The following PRDM6 variants were observed in gnomAD, a reference collection of about 807,000 sequenced individuals.
PRDM6 encodes the protein putative histone-lysine N-methyltransferase PRDM6.
PRDM6 carries 25 observed loss-of-function variants against 60.8 expected under a neutral mutation model. The observed-to-expected ratio is 0.41, with a 90% CI of 0.30 to 0.57. PRDM6 has a LOEUF of 0.57. PRDM6 is among the 20% of genes least tolerant of loss of function. PRDM6 has a pLI of 0.27. For synonymous variants in PRDM6, 407 were observed against 357.4 expected, an observed-to-expected ratio of 1.14 and a Z score of -1.57; for missense variants, 839 against 821.3, an observed-to-expected ratio of 1.02 and a Z score of -0.26.
rs1349455411 is a variant in PRDM6, at chr5:123,191,489, T to G, written c.*4288T>G. 1.3e-5 allele frequency: 2 copies of G among 152,186 alleles called. No homozygotes were observed. Among genetic ancestry groups the G allele is most frequent in the African/African-American group, 4.8e-5 (2 of 41,442 alleles). 9.4% of individuals were successfully genotyped at this position (152,186 alleles called of 1,614,324 possible). On this transcript the variant is annotated 3_prime_UTR_variant, in exon 8 of 8. Coordinates refer to ENST00000407847, the MANE Select transcript of PRDM6 (RefSeq NM_001136239.4). ...AATCACATTTCCTGAAATGTTTATC[T>G]GTTTCTTCCTTGACATGAATTTAAT...
chr5:123,167,460 G>A (rs7716218), intron 5 of PRDM6, among the ~76,000 whole-genome samples: 5,970 of 152,010 alleles, frequency 0.039, 393 homozygotes, highest in African/African-American at 0.13. Context: ...CACGGTCTCG[G>A]CTCACCGCAA....
chr5:123,125,275 A>G (rs578016097), intron 3 of PRDM6, among the ~76,000 whole-genome samples: 4 of 152,082 alleles, frequency 2.6e-5, no homozygotes, highest in South Asian at 4.2e-4. Context: ...CTTATAGTAC[A>G]TTTTAAGTCT....
intron 3 of PRDM6, among the ~76,000 whole-genome samples, chr5:123,128,270 T>C (rs1275433621): frequency 6.6e-6 from 1 of 152,222 alleles, no homozygotes; most frequent in East Asian, 1.9e-4. Flanking sequence ...TTATAATCCT[T>C]TGGGTATATA....
intron 3 of PRDM6, among the ~76,000 whole-genome samples, chr5:123,136,797 T>C (rs1343283821): frequency 6.6e-6 from 1 of 152,136 alleles, no homozygotes; most frequent in East Asian, 1.9e-4. Flanking sequence ...CTTTCCATAT[T>C]ACTTTCAGCG....
At chr5:123,102,829 C>CA (rs1480854357) in intron 3 of PRDM6, among the ~76,000 whole-genome samples, 1 of 152,058 alleles carries the variant, frequency 6.6e-6, no homozygotes, top group Non-Finnish European at 1.5e-5. Flanking sequence ...CTTTTCCTGT[C>CA]ACTATTTCCA....
intron 6 of PRDM6, among the ~76,000 whole-genome samples, chr5:123,176,603 C>T (rs1766018241): frequency 6.6e-6 from 1 of 152,084 alleles, no homozygotes; most frequent in Non-Finnish European, 1.5e-5. Flanking sequence ...CCCAGCTACT[C>T]AGGAGGCTGA....
rs542629930 is a variant in PRDM6 at position 123,185,004 on chromosome 5, A to G, written c.1674-2083A>G. 1.8e-4 allele frequency among the ~76,000 whole-genome samples: 28 copies of G among 152,330 alleles called. No homozygotes were observed. In the East Asian group the frequency reaches 4.8e-3, roughly 26 times the overall value. ...CTGGAATACTCTTCTTATGCACCCT[A>G]TATATTGGACAAATTTTCTGACTAT... On this transcript the variant is annotated intron_variant, in intron 7 of 7. Transcript: ENST00000407847.
intron 3 of PRDM6, among the ~76,000 whole-genome samples, chr5:123,123,667 T>G (rs1244534649): frequency 6.6e-6 from 1 of 152,240 alleles, no homozygotes; most frequent in African/African-American, 2.4e-5. Flanking sequence ...ACATTTATAC[T>G]GATGCTTTAA....
chr5:123,094,013 A>G (rs1409642840), intron 2 of PRDM6, among the ~76,000 whole-genome samples: 1 of 151,748 alleles, frequency 6.6e-6, no homozygotes, highest in African/African-American at 2.4e-5. Flanking sequence ...CCTCCTGCGC[A>G]GGGAACAGGC....
At chr5:123,126,725 G>A (rs1039624199) in intron 3 of PRDM6, among the ~76,000 whole-genome samples, 2 of 152,112 alleles carry the variant, frequency 1.3e-5, no homozygotes, top group African/African-American at 4.8e-5. Flanking sequence ...TTTAATTTTA[G>A]GGAGGCTATT....
chr5:123,151,068 G>A (rs186204579), intron 3 of PRDM6, among the ~76,000 whole-genome samples: 1 of 152,144 alleles, frequency 6.6e-6, no homozygotes, highest in Non-Finnish European at 1.5e-5. Context: ...CAATTACTTC[G>A]GCATGCATTG....
chr5:123,183,384 AGT>A (rs780845730), intron 7 of PRDM6, among the ~76,000 whole-genome samples: 1 of 152,218 alleles, frequency 6.6e-6, no homozygotes, highest in Non-Finnish European at 1.5e-5. Flanking sequence ...TCTGCTGAGA[AGT>A]GGTTTTTGAA....
intron 3 of PRDM6, among the ~76,000 whole-genome samples, chr5:123,129,910 T>C (rs1191894225): frequency 1.3e-5 from 2 of 152,172 alleles, no homozygotes; most frequent in African/African-American, 2.4e-5. Context: ...AAAAATAGCA[T>C]CTGCACTGAT....
intron 2 of PRDM6, 22 bp downstream of exon 2, chr5:123,090,628 G>T (rs1561793095): frequency 2.1e-6 from 3 of 1,459,150 alleles, no homozygotes; most frequent in East Asian, 3.0e-5. Flanking sequence ...CAGCCCGCGC[G>T]CTCTCTCCCG....
chr5:123,112,336 G>A (rs1267161080), intron 3 of PRDM6, among the ~76,000 whole-genome samples: 3 of 152,176 alleles, frequency 2.0e-5, no homozygotes, highest in African/African-American at 7.2e-5. Context: ...CTTCAGTGCA[G>A]TCCTATATCA....
chr5:123,161,965 G>A (rs1337386314), intron 5 of PRDM6, among the ~76,000 whole-genome samples: 1 of 152,202 alleles, frequency 6.6e-6, no homozygotes. Context: ...TATGGAAGTG[G>A]TGGAGGTGGT....
At position 123,159,536 on chromosome 5, in the gene PRDM6, T is replaced by G; in HGVS notation, c.1051T>G (p.Cys351Gly). 6.4e-7 allele frequency: 1 copy of G among 1,551,430 alleles called. No homozygotes were observed. The highest frequency in any genetic ancestry group is 1.4e-5 in the African/African-American group (1 of 73,156). The change falls in exon 5 of 8, where the codon TGT (cysteine) becomes GGT (glycine). Residue 351 changes from cysteine to glycine, a missense_variant. Cys to Gly is a radical substitution (Grantham distance 159, BLOSUM62 -3). Around this residue, in one of 2 missense-constraint regions of PRDM6, gnomAD observed 730 missense variants for 648.8 expected, o/e 1.13. Coordinates refer to ENST00000407847, the MANE Select transcript of PRDM6 (RefSeq NM_001136239.4). ...QYRSNIFYRA[C>G]IDIPRGTELL... is the part of the protein sequence containing the mutation. ...TAGGTCGAATATATTCTACCGAGCC[T>G]GTATAGATATCCCTAGGGGCACCGA...
At chr5:123,143,148 A>AGTGTGTGTGTGTGT (rs139092433) in intron 3 of PRDM6, among the ~76,000 whole-genome samples, 3,459 of 145,918 alleles carry the variant, frequency 0.024, 61 homozygotes, top group Non-Finnish European at 0.034. Context: ...TAGTTTTTAA[A>AGTGTGTGTGTGTGT]GTGTGTGTGT....
chr5:123,193,022 C>G lies in PRDM6; in HGVS notation c.*5821C>G, dbSNP rs1193641806. 6.6e-6 allele frequency: 1 copy of G among 152,116 alleles called. No individual in the cohort carries two copies. Among genetic ancestry groups the G allele is most frequent in the Non-Finnish European group, 1.5e-5 (1 of 68,000 alleles). 9.4% of individuals were successfully genotyped at this position (152,116 alleles called of 1,614,324 possible). A position where few individuals can be genotyped will look rare whatever the true frequency, so the allele number is the denominator to read the frequency against. On this transcript the variant is annotated 3_prime_UTR_variant, in exon 8 of 8. Coordinates refer to ENST00000407847, the MANE Select transcript of PRDM6 (RefSeq NM_001136239.4). The stretch of plus-strand genomic sequence containing the variant: ...TCTAGATGAAACTGTGAGGTTTGTT[C>G]AAAAAGTAAGTGTACAAAATTTCAT...
Sources: gnomAD v4.1 joint callset for allele counts (sites outside exome capture counted in the v4.1 genomes callset) on GRCh38, gnomAD v4.1.1 for gene constraint, gnomAD v4.1.1 regional missense constraint, MANE v1.5 for transcripts, NCBI Gene and HGNC (gene_info 2026-07-23, HGNC 2026-07-21) for gene names.